Variants in FRMD4B observed in about 807,000 individuals in gnomAD.
FRMD4B encodes the protein FERM domain-containing protein 4B.
In FRMD4B, 74 loss-of-function variants were observed where a neutral mutation model predicts 141.5. The ratio of observed to expected loss-of-function variants is 0.52; its 90% CI spans 0.43 to 0.63. The LOEUF (loss-of-function observed/expected upper bound fraction) is 0.63, where lower values mean the gene tolerates loss of function less well. Among genes scored for constraint, FRMD4B ranks in the 30% least tolerant of loss-of-function variants. FRMD4B has a pLI of 0.00. For missense variants in FRMD4B, 1,366 were observed against 1,253.4 expected (o/e 1.09, Z -1.36); for synonymous variants, 506 against 467.9 (o/e 1.08, Z -1.05).
chr3:69,184,946 A>T (rs1360498952), intron 19 of FRMD4B, among the ~76,000 whole-genome samples: 1 of 152,208 alleles, frequency 6.6e-6, no homozygotes, highest in African/African-American at 2.4e-5. Context: ...AAGTTCCTAA[A>T]TGCTAATCCA....
intron 2 of FRMD4B, among the ~76,000 whole-genome samples, chr3:69,410,637 C>T (rs551860062): frequency 1.7e-4 from 26 of 150,070 alleles, no homozygotes; most frequent in African/African-American, 6.1e-4. Context: ...ATTTTACCTA[C>T]GGGTTCAGCA....
At chr3:69,285,026 G>C (rs191065336) in intron 5 of FRMD4B, among the ~76,000 whole-genome samples, 1 of 152,266 alleles carries the variant, frequency 6.6e-6, no homozygotes, top group East Asian at 1.9e-4. Context: ...AGCCAGGTGT[G>C]TTGGCACATG....
intron 2 of FRMD4B, among the ~76,000 whole-genome samples, chr3:69,407,991 C>T (rs973992594): frequency 1.3e-5 from 2 of 152,110 alleles, no homozygotes; most frequent in Non-Finnish European, 2.9e-5. Context: ...TCATCCGGCT[C>T]AGCACACTTT....
chr3:69,338,200 C>T (rs963033660), intron 1 of FRMD4B, among the ~76,000 whole-genome samples: 4 of 152,044 alleles, frequency 2.6e-5, no homozygotes, highest in Non-Finnish European at 5.9e-5. Context: ...AGCAAACTAT[C>T]GCAAGGACAA....
chr3:69,369,346 G>C (rs1703760908), intron 1 of FRMD4B, among the ~76,000 whole-genome samples: 1 of 151,936 alleles, frequency 6.6e-6, no homozygotes, highest in Non-Finnish European at 1.5e-5. Flanking sequence ...AAAAAACAAA[G>C]AAAAGGCCAG....
intron 1 of FRMD4B, among the ~76,000 whole-genome samples, chr3:69,496,179 T>C (rs1012937681): frequency 6.6e-6 from 1 of 152,354 alleles, no homozygotes; most frequent in South Asian, 2.1e-4. Flanking sequence ...ATGGTGGCTT[T>C]AGTAAGTATT....
chr3:69,313,331 C>G, intron 2 of FRMD4B, 121 bp downstream of exon 2: 1 of 731,520 alleles, frequency 1.4e-6, no homozygotes, highest in South Asian at 1.5e-5. Context: ...GCAAAGATAA[C>G]AGAGAAGCCT....
At chr3:69,182,549 C>G in intron 20 of FRMD4B, 49 bp downstream of exon 20, 1 of 1,545,618 alleles carries the variant, frequency 6.5e-7, no homozygotes, top group South Asian at 1.2e-5. Context: ...GACAGAACCT[C>G]AAAGCAAAAA....
intron 1 of FRMD4B, among the ~76,000 whole-genome samples, chr3:69,337,488 G>A (rs889407494): frequency 2.0e-5 from 3 of 152,176 alleles, no homozygotes; most frequent in African/African-American, 7.2e-5. Flanking sequence ...CTTCTTCACA[G>A]CAAAAGAAAC....
upstream of FRMD4B, among the ~76,000 whole-genome samples, chr3:69,387,056 T>A (rs1451751488): frequency 6.6e-6 from 1 of 152,156 alleles, no homozygotes; most frequent in Non-Finnish European, 1.5e-5. Flanking sequence ...TTATTAAAGT[T>A]TTCCCTCGGG....
chr3:69,325,163 C>A (rs987195528), intron 1 of FRMD4B, among the ~76,000 whole-genome samples: 13 of 151,092 alleles, frequency 8.6e-5, no homozygotes, highest in African/African-American at 2.9e-4. Context: ...TATATTGGAC[C>A]ACTGCTCTTG....
chr3:69,438,377 A>AGT lies in FRMD4B; in HGVS notation c.-128-5617_-128-5616insAC, dbSNP rs1293476941. Among the ~76,000 whole-genome samples the AGT allele has an allele frequency of 5.9e-5, 9 of 152,242 alleles. No homozygotes were observed. In the East Asian group the frequency reaches 1.7e-3, roughly 29 times the overall value. ...GGCCTTGGCATCCTAAAGTGCTGGGATTACAGGCATGAGCCACTGCGTCCA... is the reference window on the plus strand; with the variant it reads ...GGCCTTGGCATCCTAAAGTGCTGGGAGTTTACAGGCATGAGCCACTGCGTCCA... On this transcript the variant is annotated intron_variant, in intron 1 of 5. Coordinates refer to the FRMD4B transcript ENST00000459638.
intron 5 of FRMD4B, among the ~76,000 whole-genome samples, chr3:69,268,738 C>A (rs1311100671): frequency 6.6e-6 from 1 of 151,830 alleles, no homozygotes; most frequent in Non-Finnish European, 1.5e-5. Context: ...AAGTAGGTAT[C>A]CTATCTGGCT....
At chr3:69,442,929 C>T (rs1705362301) in intron 1 of FRMD4B, among the ~76,000 whole-genome samples, 1 of 152,218 alleles carries the variant, frequency 6.6e-6, no homozygotes, top group Non-Finnish European at 1.5e-5. Flanking sequence ...GTTTGTTCTT[C>T]CCCAGTTCCT....
rs370510083 is a variant in FRMD4B, at chr3:69,182,083, A to G, written c.2040-373T>C. On this transcript the variant is annotated intron_variant, in intron 20 of 22. Transcript: ENST00000398540. ...GGTCCTGTCTTCCTAGAGGATATGA[A>G]GATATGGTACATTCGAGTGGAGGTC... Among the ~76,000 whole-genome samples the G allele has an allele frequency of 1.0e-3, 158 of 152,316 alleles. 1 individual carries two copies. The highest frequency in any genetic ancestry group is 3.4e-3 in the African/African-American group (143 of 41,568).
At chr3:69,228,978 C>T (rs1370489255) in intron 7 of FRMD4B, among the ~76,000 whole-genome samples, 1 of 148,872 alleles carries the variant, frequency 6.7e-6, no homozygotes, top group Non-Finnish European at 1.5e-5. Flanking sequence ...TTACTTGTCT[C>T]GCTACTTGTG....
chr3:69,287,767 C>T lies in FRMD4B; in HGVS notation c.486G>A (p.Lys162=). ...GGGCACCTACCTTGTGCACACAGGC[C>T]TTTGCATTCAGGAAAAACAGCTCCA... is the stretch of plus-strand genomic sequence containing the variant. The part of the protein sequence containing the change: ...TTVELFFLNA[K]ACVHKGQIEV... Residue 162 remains lysine (K), a synonymous_variant, in exon 5 of 23, where the codon AAG becomes AAA. Coordinates refer to ENST00000398540, the MANE Select transcript of FRMD4B (RefSeq NM_015123.3). The T allele has an allele frequency of 1.3e-6, 2 of 1,592,002 alleles. No individual in the cohort carries two copies. The highest frequency in any genetic ancestry group is 1.7e-6 in the Non-Finnish European group (2 of 1,160,930).
In FRMD4B at chr3:69,176,632, T is replaced by C. The variant is rs2092649429; in HGVS notation, c.2876A>G (p.Asn959Ser). Residue 959 changes from asparagine to serine, a missense_variant, in exon 22 of 23, where the codon AAC (asparagine) becomes AGC (serine). Asn to Ser is a conservative substitution (Grantham distance 46). Coordinates refer to ENST00000398540, the MANE Select transcript of FRMD4B (RefSeq NM_015123.3). The stretch of plus-strand genomic sequence containing the variant: ...CCCTATGGTTAACTGGGTCCTCCAG[T>C]TCCCAGAAGCATTTGTAGAAGACAC... ...SSVSSTNASG[N>S]WRTQLTIGLS... The C allele has an allele frequency of 1.2e-6, 2 of 1,604,410 alleles. No individual in the cohort carries two copies. Among genetic ancestry groups the C allele is most frequent in the Non-Finnish European group, 1.7e-6 (2 of 1,171,376 alleles).
rs565307648 is a variant in FRMD4B, at chr3:69,175,082, G to C, written c.2984+1442C>G. On this transcript the variant is annotated intron_variant, in intron 22 of 22. Transcript: ENST00000398540. ...CACTGAATGCGGAGGAAAAAAAAAG[G>C]CATTTGGGGCTGAATATTTCCAATT... 2.6e-5 allele frequency among the ~76,000 whole-genome samples: 4 copies of C among 152,106 alleles called. No individual in the cohort carries two copies. In the East Asian group the frequency reaches 7.7e-4, roughly 29 times the overall value.
Sources: gnomAD v4.1 joint callset for allele counts (sites outside exome capture counted in the v4.1 genomes callset) on GRCh38, gnomAD v4.1.1 for gene constraint, MANE v1.5 for transcripts, NCBI Gene and HGNC (gene_info 2026-07-23, HGNC 2026-07-21) for gene names.